LRMDA: variants seen among roughly 807,000 people sequenced by gnomAD.
The protein encoded by LRMDA is leucine-rich melanocyte differentiation-associated protein.
A neutral mutation model predicts 29.8 loss-of-function variants in LRMDA; 18 were observed. The ratio of observed to expected loss-of-function variants is 0.60; its 90% CI spans 0.42 to 0.90. The LOEUF is 0.90. LRMDA is among the 40% of genes least tolerant of loss of function. The probability of loss-of-function intolerance (pLI) is 0.00; values close to 1 mark genes in which losing one functional copy is unlikely to be tolerated. For missense variants in LRMDA, 273 were observed against 273.9 expected (o/e 1.00, Z 0.02); for synonymous variants, 125 against 109.4 (o/e 1.14, Z -0.89).
intron 6 of LRMDA, among the ~76,000 whole-genome samples, chr10:76,542,758 C>T (rs1389562615): frequency 3.3e-5 from 5 of 152,216 alleles, no homozygotes; most frequent in Non-Finnish European, 7.3e-5. Flanking sequence ...ATGTTAAGAG[C>T]TATATCCTTC....
At chr10:76,020,093 T>C (rs764728627) in intron 2 of LRMDA, among the ~76,000 whole-genome samples, 3 of 152,230 alleles carry the variant, frequency 2.0e-5, no homozygotes, top group Non-Finnish European at 4.4e-5. Flanking sequence ...TCCTGGATGC[T>C]GCATCAAACA....
chr10:76,223,216 T>G (rs938247187), intron 5 of LRMDA, among the ~76,000 whole-genome samples: 3 of 151,810 alleles, frequency 2.0e-5, no homozygotes, highest in African/African-American at 7.3e-5. Context: ...TGTATACATA[T>G]GTAGCTAACC....
intron 5 of LRMDA, among the ~76,000 whole-genome samples, chr10:76,099,182 A>C (rs1055245745): frequency 2.0e-5 from 3 of 152,230 alleles, no homozygotes; most frequent in African/African-American, 7.2e-5. Flanking sequence ...CCAGGCAAGA[A>C]GGAGGTTTGT....
At chr10:76,101,347 T>G (rs995651351) in intron 5 of LRMDA, among the ~76,000 whole-genome samples, 1 of 152,216 alleles carries the variant, frequency 6.6e-6, no homozygotes, top group East Asian at 1.9e-4. Context: ...CTTTTTGTTG[T>G]TAGTTCTAAA....
intron 2 of LRMDA, among the ~76,000 whole-genome samples, chr10:75,661,718 G>C (rs1841755946): frequency 6.6e-6 from 1 of 152,200 alleles, no homozygotes; most frequent in African/African-American, 2.4e-5. Flanking sequence ...CCAGGCAAAA[G>C]AAACACACAT....
At chr10:76,351,603 A>T (rs1018911849) in intron 6 of LRMDA, among the ~76,000 whole-genome samples, 3 of 151,986 alleles carry the variant, frequency 2.0e-5, no homozygotes, top group African/African-American at 7.3e-5. Flanking sequence ...GAACACAGCT[A>T]CCAATGTTAT....
chr10:76,078,278 G>A (rs1259713357), intron 5 of LRMDA, among the ~76,000 whole-genome samples: 2 of 151,716 alleles, frequency 1.3e-5, no homozygotes, highest in Non-Finnish European at 2.9e-5. Context: ...CAAAGTGCTG[G>A]GATTACAGAC....
chr10:75,644,188 T>C (rs927274854), intron 2 of LRMDA, among the ~76,000 whole-genome samples: 2 of 152,128 alleles, frequency 1.3e-5, no homozygotes. Context: ...TGGAAAAAGC[T>C]TTTTCCTTGC....
intron 5 of LRMDA, among the ~76,000 whole-genome samples, chr10:76,276,006 A>AATCTATCTATCTATCT (rs3066426): frequency 2.7e-4 from 39 of 146,832 alleles, no homozygotes; most frequent in Non-Finnish European, 3.9e-4. Flanking sequence ...CAATCTAGTG[A>AATCTATCTATCTATCT]ATCTATCTAT....
chr10:76,205,169 C>T (rs1851511597), intron 5 of LRMDA, among the ~76,000 whole-genome samples: 1 of 152,198 alleles, frequency 6.6e-6, no homozygotes, highest in Non-Finnish European at 1.5e-5. Flanking sequence ...GTAACTTTCT[C>T]TGGAAAGCTG....
chr10:75,974,780 A>G (rs149182583), intron 2 of LRMDA, among the ~76,000 whole-genome samples: 139 of 152,320 alleles, frequency 9.1e-4, no homozygotes, highest in Non-Finnish European at 1.7e-3. Context: ...AAAATTTCAT[A>G]CCTACAACAT....
At chr10:75,444,187 T>A (rs1323966038) in intron 2 of LRMDA, among the ~76,000 whole-genome samples, 4 of 152,228 alleles carry the variant, frequency 2.6e-5, no homozygotes, top group African/African-American at 9.6e-5. Context: ...TTTCCTGCAT[T>A]AACTATGGCA....
At chr10:75,499,121 T>TTCC (rs775750976) in intron 2 of LRMDA, among the ~76,000 whole-genome samples, 13 of 152,084 alleles carry the variant, frequency 8.5e-5, no homozygotes, top group Non-Finnish European at 1.6e-4. Flanking sequence ...CCCTCTGAAA[T>TTCC]TCCTCCTCCT....
rs553899585 is a variant in LRMDA, at chr10:75,894,901, T to G, written c.132-141107T>G. Among the ~76,000 whole-genome samples, 5 of 152,324 alleles carry G rather than the reference T, an allele frequency of 3.3e-5. No individual in the cohort carries two copies. The South Asian group carries it at 8.3e-4, about 25-fold the overall frequency. On this transcript the variant is annotated intron_variant, in intron 2 of 6. Coordinates refer to ENST00000611255, the MANE Select transcript of LRMDA (RefSeq NM_001305581.2). ...TAAGTGTTTTGTACTTACATAATCA[T>G]CATCATAAACCCACAAGTTAGGTAA...
At chr10:75,707,721 G>C (rs1842386884) in intron 2 of LRMDA, among the ~76,000 whole-genome samples, 1 of 152,234 alleles carries the variant, frequency 6.6e-6, no homozygotes, top group Non-Finnish European at 1.5e-5. Context: ...GGCTGTAAGA[G>C]GTTTGGAGGC....
intron 4 of LRMDA, among the ~76,000 whole-genome samples, chr10:76,048,904 A>T (rs1203523901): frequency 6.6e-6 from 1 of 152,148 alleles, no homozygotes; most frequent in African/African-American, 2.4e-5. Context: ...AGTGCTGGAT[A>T]TGAAAAAAGG....
intron 6 of LRMDA, among the ~76,000 whole-genome samples, chr10:76,402,748 C>A (rs1841862581): frequency 6.6e-6 from 1 of 152,156 alleles, no homozygotes; most frequent in Admixed American, 6.5e-5. Flanking sequence ...ATTTTCACAC[C>A]TAAGAATTAC....
intron 2 of LRMDA, among the ~76,000 whole-genome samples, chr10:75,673,238 C>T (rs1385510003): frequency 6.6e-6 from 1 of 152,120 alleles, no homozygotes; most frequent in East Asian, 1.9e-4. Flanking sequence ...CATTTGGAGG[C>T]ATGAACTGTC....
Position 76,073,007 on chromosome 10 carries a change from G to C in LRMDA, c.516+14224G>C, listed in dbSNP as rs117687895. 8.3e-3 allele frequency among the ~76,000 whole-genome samples: 1,267 copies of C among 152,294 alleles called. 10 individuals carry two copies. The highest frequency in any genetic ancestry group is 0.014 in the Middle Eastern group (4 of 292). On this transcript the variant is annotated intron_variant, in intron 5 of 6. Coordinates refer to ENST00000611255, the MANE Select transcript of LRMDA (RefSeq NM_001305581.2). ...GTCTGGCAGTGGTCTGATTGTGTTT[G>C]TCCATGCAACCAAATCTTACCACCC...
Sources: gnomAD v4.1 joint callset for allele counts (sites outside exome capture counted in the v4.1 genomes callset) on GRCh38, gnomAD v4.1.1 for gene constraint, MANE v1.5 for transcripts, NCBI Gene and HGNC (gene_info 2026-07-23, HGNC 2026-07-21) for gene names.